The following TTLL4 variants were observed in gnomAD, a reference collection of about 807,000 sequenced individuals.
The protein encoded by TTLL4 is tubulin monoglutamylase TTLL4.
A neutral mutation model predicts 122.7 loss-of-function variants in TTLL4; 85 were observed. The ratio of observed to expected loss-of-function variants is 0.69; its 90% CI spans 0.58 to 0.83. The LOEUF (loss-of-function observed/expected upper bound fraction) is 0.83, where lower values mean the gene tolerates loss of function less well. TTLL4 is among the 40% of genes least tolerant of loss of function. The pLI is 0.00. For missense variants in TTLL4, 1,363 were observed against 1,488.6 expected (o/e 0.92, Z 1.39); for synonymous variants, 553 against 563.0 (o/e 0.98, Z 0.25).
At chr2:218,750,799 C>T (rs1014609792) in intron 15 of TTLL4, among the ~76,000 whole-genome samples, 2 of 152,180 alleles carry the variant, frequency 1.3e-5, no homozygotes, top group South Asian at 2.1e-4. Context: ...TAGCCAGACC[C>T]GCTGTTAACC....
At chr2:218,759,337 C>T (rs980538543), downstream of TTLL4, among the ~76,000 whole-genome samples, 1 of 152,112 alleles carries the variant, frequency 6.6e-6, no homozygotes, top group African/African-American at 2.4e-5. Context: ...ATCACTTGAG[C>T]CCAGGAGTTC....
chr2:218,749,706 A>G (rs111791971), intron 14 of TTLL4, among the ~76,000 whole-genome samples: 1,820 of 152,234 alleles, frequency 0.012, 46 homozygotes, highest in African/African-American at 0.042. Context: ...TGACCTCGTG[A>G]TCTGCCCACC....
At chr2:218,713,135 T>C (rs1455704967) in intron 1 of TTLL4, among the ~76,000 whole-genome samples, 1 of 152,142 alleles carries the variant, frequency 6.6e-6, no homozygotes, top group Non-Finnish European at 1.5e-5. Context: ...ATCCAACACT[T>C]TGGGAGCCTG....
chr2:218,739,009 G>C lies in TTLL4; in HGVS notation c.1333G>C (p.Ala445Pro), dbSNP rs1215413611. ...CTGTGAATCTGTAATTGACTCCTCA[G>C]CATTTGGAGAAGGCAAAGCTCCAGG... Reference protein sequence around the residue: ...PACESVIDSSAFGEGKAPGPP... With the variant: ...PACESVIDSSPFGEGKAPGPP... Residue 445 changes from alanine to proline, a missense_variant, in exon 3 of 20, where the codon GCA (alanine) becomes CCA (proline). By Grantham distance (27) the Ala-to-Pro change is conservative. Around this residue, in one of 3 missense-constraint regions of TTLL4, gnomAD observed 760 missense variants for 808.4 expected, o/e 0.94. Transcript: ENST00000392102. The C allele has an allele frequency of 6.2e-7, 1 of 1,614,160 alleles. No homozygotes were observed. The highest frequency in any genetic ancestry group is 1.1e-5 in the South Asian group (1 of 91,084).
At position 218,748,587 on chromosome 2, in the gene TTLL4, G is replaced by A. The variant is rs571271993; in HGVS notation, c.2502-249G>A. 17 of 451,448 alleles carry A rather than the reference G, an allele frequency of 3.8e-5. 1 individual carries two copies. The highest frequency in any genetic ancestry group is 1.5e-4 in the Admixed American group (4 of 27,068). 28.0% of individuals were successfully genotyped at this position (451,448 alleles called of 1,614,324 possible). ...GGAGAATCACTTGAACCTGGGGGAC[G>A]GAGGTTGCAGTGAGCTGAGATCGCG... On this transcript the variant is annotated intron_variant, in intron 12 of 19. Transcript: ENST00000392102.
chr2:218,753,815 C>A, intron 19 of TTLL4, 146 bp downstream of exon 19: 1 of 915,360 alleles, frequency 1.1e-6, no homozygotes, highest in East Asian at 2.5e-5. Flanking sequence ...CCATAGCATC[C>A]TTTTTCTGGT....
chr2:218,759,388 A>G (rs912636939), downstream of TTLL4, among the ~76,000 whole-genome samples: 1 of 152,254 alleles, frequency 6.6e-6, no homozygotes, highest in Non-Finnish European at 1.5e-5. Flanking sequence ...CTGTTTCTAC[A>G]AAACAAATAA....
intron 14 of TTLL4, 103 bp downstream of exon 14, chr2:218,749,490 A>G (rs1432234534): frequency 6.8e-6 from 10 of 1,460,884 alleles, no homozygotes; most frequent in African/African-American, 2.9e-5. Context: ...TTTCTTTGAG[A>G]TGGAGTCTCG....
At chr2:218,711,484 T>C (rs1941703084) in intron 1 of TTLL4, among the ~76,000 whole-genome samples, 1 of 152,230 alleles carries the variant, frequency 6.6e-6, no homozygotes, top group Admixed American at 6.5e-5. Context: ...GTTCCTAAAC[T>C]CCACAGATTC....
chr2:218,736,123 C>T (rs897554035), intron 2 of TTLL4, among the ~76,000 whole-genome samples: 8 of 151,034 alleles, frequency 5.3e-5, no homozygotes, highest in South Asian at 2.1e-4. Context: ...CACAGGCATG[C>T]GCCACCATAC....
Position 218,745,175 on chromosome 2 carries a change from C to T in TTLL4, c.1728C>T (p.Ile576=). Reference sequence around the variant, plus strand: ...AGAAAGTTGTCCGACCAGCCCTCATCTACAGTCTCTTTCCCAACGTTCCCC... The same window carrying T: ...AGAAAGTTGTCCGACCAGCCCTCATTTACAGTCTCTTTCCCAACGTTCCCC... ...NHEKVVRPAL[I]YSLFPNVPPT... Residue 576 remains isoleucine (I), a synonymous_variant, in exon 6 of 20, where the codon ATC becomes ATT. Coordinates refer to ENST00000392102, the MANE Select transcript of TTLL4 (RefSeq NM_014640.5). The T allele has an allele frequency of 6.2e-7, 1 of 1,614,116 alleles. No individual in the cohort carries two copies. Among genetic ancestry groups the T allele is most frequent in the Non-Finnish European group, 8.5e-7 (1 of 1,179,986 alleles).
At chr2:218,749,085 T>C in intron 13 of TTLL4, 151 bp downstream of exon 13, 14 of 1,266,012 alleles carry the variant, frequency 1.1e-5, no homozygotes, top group Non-Finnish European at 1.5e-5. Flanking sequence ...TAAGTTCTAA[T>C]GAACCTCATC....
chr2:218,747,627 C>T lies in TTLL4; in HGVS notation c.2280C>T (p.Gly760=). Residue 760 remains glycine (G), a synonymous_variant, in exon 11 of 20, where the codon GGC becomes GGT. Transcript: ENST00000392102. This position sits in a 1 kb window ranked among gnomAD's most constrained non-coding sequence, Gnocchi z 4.7. Reference sequence around the variant, plus strand: ...TACACAAACCCTACCTCATCAGCGGCAGCAAGTTTGACCTGCGGATCTATG... The same window carrying T: ...TACACAAACCCTACCTCATCAGCGGTAGCAAGTTTGACCTGCGGATCTATG... The part of the protein sequence containing the change: ...RYLHKPYLIS[G]SKFDLRIYVY... The T allele has an allele frequency of 6.2e-7, 1 of 1,614,226 alleles. No individual in the cohort carries two copies. Among genetic ancestry groups the T allele is most frequent in the African/African-American group, 1.3e-5 (1 of 75,060 alleles).
intron 1 of TTLL4, among the ~76,000 whole-genome samples, chr2:218,722,859 CTTG>C (rs1366066862): frequency 6.6e-6 from 1 of 152,132 alleles, no homozygotes; most frequent in Non-Finnish European, 1.5e-5. Flanking sequence ...GCTGGAAGGA[CTTG>C]TTGATGGATT....
downstream of TTLL4, among the ~76,000 whole-genome samples, chr2:218,758,166 G>A (rs1943187191): frequency 6.6e-6 from 1 of 152,174 alleles, no homozygotes; most frequent in African/African-American, 2.4e-5. Context: ...ATGTTTTACA[G>A]GTGAAAACAC....
In TTLL4 at chr2:218,739,113, G is replaced by T; in HGVS notation, c.1437G>T (p.Lys479Asn). ...LSSIQLGQSEKERPEEARELD... is the reference protein window; with the variant it reads ...LSSIQLGQSENERPEEARELD... Reference sequence around the variant, plus strand: ...CCATCCAGCTGGGCCAGTCTGAGAAGGAGAGACCTGAGGAGGCCAGGGAGC... The same window carrying T: ...CCATCCAGCTGGGCCAGTCTGAGAATGAGAGACCTGAGGAGGCCAGGGAGC... The change falls in exon 3 of 20, where the codon AAG becomes AAT. Residue 479 changes from lysine to asparagine, a missense_variant. Physicochemically the swap from Lys to Asn is moderately conservative, Grantham distance 94 (BLOSUM62 0). This residue lies in a region of TTLL4 where 760 missense variants were observed against 808.4 expected (regional missense o/e 0.94). Coordinates refer to ENST00000392102, the MANE Select transcript of TTLL4 (RefSeq NM_014640.5). 1 of 1,614,054 alleles carries T rather than the reference G, an allele frequency of 6.2e-7. No individual in the cohort carries two copies. Among genetic ancestry groups the T allele is most frequent in the Non-Finnish European group, 8.5e-7 (1 of 1,180,046 alleles).
At chr2:218,714,334 A>G (rs1941797156) in intron 1 of TTLL4, among the ~76,000 whole-genome samples, 1 of 152,224 alleles carries the variant, frequency 6.6e-6, no homozygotes, top group Admixed American at 6.5e-5. Context: ...ATGAAGCCTT[A>G]ACTTCAGAAT....
chr2:218,741,274 G>A (rs1283554294), intron 5 of TTLL4, among the ~76,000 whole-genome samples: 1 of 152,092 alleles, frequency 6.6e-6, no homozygotes, highest in Non-Finnish European at 1.5e-5. Flanking sequence ...ACCTGTAATC[G>A]TTGGCCTCCC....
At chr2:218,744,020 T>C (rs1942775615) in intron 5 of TTLL4, among the ~76,000 whole-genome samples, 1 of 152,248 alleles carries the variant, frequency 6.6e-6, no homozygotes, top group Non-Finnish European at 1.5e-5. Context: ...TTATTGACTT[T>C]CAACAATCTT....
Sources: gnomAD v4.1 joint callset for allele counts (sites outside exome capture counted in the v4.1 genomes callset) on GRCh38, gnomAD v4.1.1 for gene constraint, gnomAD v4.1.1 regional missense constraint, Gnocchi (gnomAD v3.1) non-coding constraint, MANE v1.5 for transcripts, NCBI Gene and HGNC (gene_info 2026-07-23, HGNC 2026-07-21) for gene names.